The following DBH variants were observed in gnomAD, a reference collection of about 807,000 sequenced individuals.
DBH encodes the protein dopamine beta-hydroxylase, also known as dopamine beta-hydroxylase (dopamine beta-monooxygenase).
In DBH, 49 loss-of-function variants were observed where a neutral mutation model predicts 64.0. The observed-to-expected ratio is 0.77, with a 90% CI of 0.61 to 0.97. DBH has a LOEUF of 0.97. Among genes scored for constraint, DBH ranks in the 50% least tolerant of loss-of-function variants. The pLI, the probability that DBH is intolerant of heterozygous loss-of-function variation, is 0.00. For missense variants in DBH, 828 were observed against 826.6 expected (o/e 1.00, Z -0.02); for synonymous variants, 343 against 347.1 (o/e 0.99, Z 0.13).
At chr9:133,647,731 A>C (rs1832198963) in intron 5 of DBH, 115 bp from the exon 6 acceptor site, 2 of 1,304,646 alleles carry the variant, frequency 1.5e-6, no homozygotes, top group African/African-American at 2.9e-5. Context: ...ATGGGGGGTG[A>C]CCGGCCCTGC....
At position 133,637,422 on chromosome 9, in the gene DBH, G is replaced by A. The variant is rs900377131; in HGVS notation, c.339+712G>A. 3.3e-5 allele frequency among the ~76,000 whole-genome samples: 5 copies of A among 152,238 alleles called. No homozygotes were observed. In the East Asian group the frequency reaches 9.6e-4, roughly 29 times the overall value. On this transcript the variant is annotated intron_variant, in intron 1 of 11. Coordinates refer to ENST00000393056, the MANE Select transcript of DBH (RefSeq NM_000787.4). Reference sequence around the variant, plus strand: ...TGCAGGGGGTCCCCGAAGTGGGCGAGCCCACCGCCTACAATGGGTCCTGCT... The same window carrying A: ...TGCAGGGGGTCCCCGAAGTGGGCGAACCCACCGCCTACAATGGGTCCTGCT...
In DBH at chr9:133,658,331, C is replaced by T. The variant is rs764307266; in HGVS notation, c.1738C>T (p.Gln580Ter). ...TTCCTTGCAGGGTGAATGGAACCTGCAGCCCCTGCCCAAGGTCATCTCCAC... is the reference window on the plus strand; with the variant it reads ...TTCCTTGCAGGGTGAATGGAACCTGTAGCCCCTGCCCAAGGTCATCTCCAC... ...AVRFQGEWNL[Q>*]PLPKVISTLE... Residue 580 changes from glutamine (Q) to a stop codon, truncating the protein, a stop_gained, in exon 12 of 12, where the codon CAG (glutamine) becomes TAG (stop). Transcript: ENST00000393056. LOFTEE classifies it low-confidence loss of function (END_TRUNC). 1 of 1,613,932 alleles carries T rather than the reference C, an allele frequency of 6.2e-7. No homozygotes were observed. The highest frequency in any genetic ancestry group is 8.5e-7 in the Non-Finnish European group (1 of 1,179,902).
intron 1 of DBH, 38 bp from the exon 2 acceptor site, chr9:133,639,808 G>C (rs766758358): frequency 6.3e-7 from 1 of 1,596,980 alleles, no homozygotes; most frequent in Non-Finnish European, 8.5e-7. Context: ...GCCCGGCTTG[G>C]CTCCTTCATG....
intron 2 of DBH, 45 bp downstream of exon 2, chr9:133,640,037 A>G: frequency 6.2e-7 from 1 of 1,607,086 alleles, no homozygotes; most frequent in Non-Finnish European, 8.5e-7. Flanking sequence ...GGCTGCGTGT[A>G]TCATGCTGCC....
intron 5 of DBH, among the ~76,000 whole-genome samples, chr9:133,646,900 G>C (rs1832188418): frequency 6.6e-6 from 1 of 152,182 alleles, no homozygotes. Context: ...TCTCCAATTA[G>C]CAAACGGCAA....
At position 133,639,850 on chromosome 9, in the gene DBH, C is replaced by T. The variant is rs1273901606; in HGVS notation, c.344C>T (p.Ala115Val). 1.2e-6 allele frequency: 2 copies of T among 1,610,460 alleles called. No individual in the cohort carries two copies. Residue 115 changes from alanine (A) to valine (V), a missense_variant, in exon 2 of 12, where the codon GCC becomes GTC. Transcript: ENST00000393056. Reference sequence around the variant, plus strand: ...GCCCAGTGCTTGTCTCTGCAGGACGCCTGGAGTGACCAGAAGGGGCAGATC... The same window carrying T: ...GCCCAGTGCTTGTCTCTGCAGGACGTCTGGAGTGACCAGAAGGGGCAGATC... ...TDGDTAYFAD[A>V]WSDQKGQIHL...
rs527689605 is a variant in DBH, at chr9:133,643,831, G to A, written c.921+242G>A. ...TGCCGCAGGACCTTATGCCCTCAGT[G>A]GGTCCTGATTCTGTTTCCCAACTGG... On this transcript the variant is annotated intron_variant, in intron 4 of 11. Coordinates refer to ENST00000393056, the MANE Select transcript of DBH (RefSeq NM_000787.4). The surrounding 1 kb of genome is among the most constrained non-coding windows in gnomAD (Gnocchi z 5.3). 6.6e-6 allele frequency among the ~76,000 whole-genome samples: 1 copy of A among 152,298 alleles called. No individual in the cohort carries two copies. The highest frequency in any genetic ancestry group is 2.1e-4 in the South Asian group (1 of 4,822).
chr9:133,638,832 G>A (rs1832081796), intron 1 of DBH, among the ~76,000 whole-genome samples: 1 of 152,158 alleles, frequency 6.6e-6, no homozygotes, highest in African/African-American at 2.4e-5. Flanking sequence ...CAGCCTGCTT[G>A]TTGGGGAAGG....
Position 133,658,342 on chromosome 9 carries a change from C to T in DBH, c.1749C>T (p.Pro583=). Reference sequence around the variant, plus strand: ...GTGAATGGAACCTGCAGCCCCTGCCCAAGGTCATCTCCACACTGGAAGAGC... The same window carrying T: ...GTGAATGGAACCTGCAGCCCCTGCCTAAGGTCATCTCCACACTGGAAGAGC... ...FQGEWNLQPL[P]KVISTLEEPT... The change falls in exon 12 of 12, where the codon CCC becomes CCT. Residue 583 remains proline (P), a synonymous_variant. Coordinates refer to ENST00000393056, the MANE Select transcript of DBH (RefSeq NM_000787.4). 3.7e-6 allele frequency: 6 copies of T among 1,613,880 alleles called. No individual in the cohort carries two copies. Among genetic ancestry groups the T allele is most frequent in the Non-Finnish European group, 5.1e-6 (6 of 1,179,894 alleles).
At chr9:133,653,590 A>G (rs1832277257) in intron 9 of DBH, among the ~76,000 whole-genome samples, 1 of 152,160 alleles carries the variant, frequency 6.6e-6, no homozygotes, top group African/African-American at 2.4e-5. Flanking sequence ...GAAGGCCCAG[A>G]GGACCAAGAA....
intron 5 of DBH, among the ~76,000 whole-genome samples, chr9:133,647,396 C>A (rs1832194495): frequency 6.6e-6 from 1 of 152,222 alleles, no homozygotes; most frequent in African/African-American, 2.4e-5. Context: ...CACCGTCTTG[C>A]AGGCTGATTT....
At chr9:133,644,387 A>G in intron 5 of DBH, 67 bp downstream of exon 5, 1 of 1,348,952 alleles carries the variant, frequency 7.4e-7, no homozygotes, top group South Asian at 1.2e-5. Context: ...CAGTGAGCAA[A>G]TCCCGCCCTT....
In DBH at chr9:133,651,616, AG is replaced by A; in HGVS notation, c.1192-17del. On this transcript the variant is annotated splice_polypyrimidine_tract_variant and intron_variant, in intron 6 of 11. Coordinates refer to ENST00000393056, the MANE Select transcript of DBH (RefSeq NM_000787.4). ...CTCGGGGGTCAGGCCCTGACACTGC[AG>A]CCCCCCGACCCCACAGGCACTGCCT... 6.2e-7 allele frequency: 1 copy of A among 1,612,928 alleles called. No individual in the cohort carries two copies. The highest frequency in any genetic ancestry group is 2.2e-5 in the East Asian group (1 of 44,868).
chr9:133,639,714 C>T, intron 1 of DBH, 132 bp from the exon 2 acceptor site: 1 of 970,262 alleles, frequency 1.0e-6, no homozygotes, highest in Non-Finnish European at 1.6e-6. Context: ...CTCAGATCCA[C>T]AGGGACTGAG....
chr9:133,651,530 G>A, intron 6 of DBH, 104 bp from the exon 7 acceptor site: 2 of 1,452,102 alleles, frequency 1.4e-6, no homozygotes, highest in East Asian at 2.3e-5. Flanking sequence ...GTGTTCCAGG[G>A]AAGCAAACTG....
intron 8 of DBH, among the ~76,000 whole-genome samples, 180 bp from the exon 9 acceptor site, chr9:133,652,760 G>A (rs764666545): frequency 3.3e-5 from 5 of 150,746 alleles, no homozygotes; most frequent in Admixed American, 6.6e-5. Flanking sequence ...TAACTTGCTC[G>A]GGAACACTCA....
Position 133,643,484 on chromosome 9 carries a change from G to C in DBH, c.816G>C (p.Glu272Asp). 6.2e-7 allele frequency: 1 copy of C among 1,613,884 alleles called. No homozygotes were observed. The highest frequency in any genetic ancestry group is 1.1e-5 in the South Asian group (1 of 91,074). Reference sequence around the variant, plus strand: ...TGGAAGTCTTCCAGTGCGCCCCCGAGATGGACAGCGTCCCCCACTTCAGCG... The same window carrying C: ...TGGAAGTCTTCCAGTGCGCCCCCGACATGGACAGCGTCCCCCACTTCAGCG... ...HHMEVFQCAP[E>D]MDSVPHFSGP... The change falls in exon 4 of 12, where the codon GAG becomes GAC. Residue 272 changes from glutamate (E) to aspartate (D), a missense_variant. By Grantham distance (45) the Glu-to-Asp change is conservative (BLOSUM62 2). Coordinates refer to ENST00000393056, the MANE Select transcript of DBH (RefSeq NM_000787.4). The surrounding 1 kb of genome is among the most constrained non-coding windows in gnomAD (Gnocchi z 5.3).
intron 10 of DBH, 76 bp from the exon 11 acceptor site, chr9:133,656,994 G>A: frequency 2.0e-6 from 3 of 1,513,288 alleles, no homozygotes; most frequent in Non-Finnish European, 9.2e-7. Flanking sequence ...CGAGTTGCAG[G>A]GAGGTGTTGC....
chr9:133,637,618 G>A (rs1337470098), intron 1 of DBH, among the ~76,000 whole-genome samples: 2 of 152,234 alleles, frequency 1.3e-5, no homozygotes, highest in East Asian at 1.9e-4. Context: ...GTGTCTGTGC[G>A]GAGCGGCCGG....
Sources: gnomAD v4.1 joint callset for allele counts (sites outside exome capture counted in the v4.1 genomes callset) on GRCh38, gnomAD v4.1.1 for gene constraint, Gnocchi (gnomAD v3.1) non-coding constraint, MANE v1.5 for transcripts, NCBI Gene and HGNC (gene_info 2026-07-23, HGNC 2026-07-21) for gene names.